Variants in NELL2 observed in about 807,000 individuals in gnomAD.
The protein encoded by NELL2 is protein kinase C-binding protein NELL2.
In NELL2, 41 loss-of-function variants were observed where a neutral mutation model predicts 109.6. That is an observed-to-expected ratio of 0.37 (90% confidence interval 0.29 to 0.49). The LOEUF is 0.49. Ranked by LOEUF, NELL2 falls within the 20% of genes least tolerant of loss-of-function variation. The probability of loss-of-function intolerance (pLI) is 0.98; values close to 1 mark genes in which losing one functional copy is unlikely to be tolerated. For missense variants in NELL2, 900 were observed against 1,008.3 expected (o/e 0.89, Z 1.45); for synonymous variants, 355 against 344.7 (o/e 1.03, Z -0.33).
rs770341215 is a variant in NELL2 at position 44,776,091 on chromosome 12, G to A, written c.822C>T (p.Cys274=). 82 of 1,613,920 alleles carry A rather than the reference G, an allele frequency of 5.1e-5. 1 individual carries two copies. In the South Asian group the frequency reaches 8.0e-4, roughly 16 times the overall value. ...RLDQCYCERT[C]TMKGTTYREF... ...CTCGGTAGGTGGTTCCCTTCATGGT[G>A]CAAGTCCTTTCACAATAGCACTGAT... The change falls in exon 8 of 20, where the codon TGC becomes TGT. Residue 274 remains cysteine, a synonymous_variant. Transcript: ENST00000429094.
chr12:44,618,895 C>G (rs976720413), intron 13 of NELL2, among the ~76,000 whole-genome samples: 3 of 152,070 alleles, frequency 2.0e-5, no homozygotes, highest in African/African-American at 7.2e-5. Flanking sequence ...AAGGCCTGTT[C>G]GGGTAGGTAT....
At chr12:44,538,752 T>C (rs1220357487) in intron 15 of NELL2, among the ~76,000 whole-genome samples, 1 of 152,194 alleles carries the variant, frequency 6.6e-6, no homozygotes, top group Non-Finnish European at 1.5e-5. Context: ...TAAATGCTTA[T>C]CTTTGGTCAA....
intron 2 of NELL2, among the ~76,000 whole-genome samples, chr12:44,849,963 G>C (rs543671477): frequency 6.6e-6 from 1 of 152,144 alleles, no homozygotes; most frequent in Non-Finnish European, 1.5e-5. Context: ...AAAACAGAGA[G>C]TAATTGTGTG....
intron 1 of NELL2, among the ~76,000 whole-genome samples, chr12:44,888,885 A>G (rs1178751808): frequency 1.6e-4 from 25 of 151,982 alleles, no homozygotes; most frequent in Admixed American, 1.6e-3. Flanking sequence ...TGCTTCAAAC[A>G]CAGTTCTAAA....
chr12:44,578,687 T>C (rs1297401468), intron 15 of NELL2, among the ~76,000 whole-genome samples: 1 of 151,834 alleles, frequency 6.6e-6, no homozygotes, highest in African/African-American at 2.4e-5. Flanking sequence ...TGCCAGGGAC[T>C]GGGCAAGAGA....
At chr12:44,619,671 T>A (rs916418988) in intron 13 of NELL2, among the ~76,000 whole-genome samples, 1 of 151,680 alleles carries the variant, frequency 6.6e-6, no homozygotes, top group African/African-American at 2.4e-5. Flanking sequence ...GGAGGAGGGA[T>A]GTTGACAACA....
chr12:44,821,724 ATT>A (rs979387516), intron 2 of NELL2, among the ~76,000 whole-genome samples: 1 of 145,624 alleles, frequency 6.9e-6, no homozygotes, highest in Admixed American at 6.9e-5. Flanking sequence ...TTCAGAATTA[ATT>A]TTTTTTTTTT....
intron 12 of NELL2, among the ~76,000 whole-genome samples, chr12:44,671,668 A>G (rs1592306581): frequency 6.6e-6 from 1 of 152,348 alleles, no homozygotes. Flanking sequence ...AACTTAGAGG[A>G]AATGGATAAA....
intron 9 of NELL2, among the ~76,000 whole-genome samples, chr12:44,726,848 T>C (rs564534530): frequency 1.4e-4 from 21 of 152,264 alleles, no homozygotes; most frequent in African/African-American, 4.6e-4. Flanking sequence ...TAGTATGTAT[T>C]TATAGCAGTT....
intron 15 of NELL2, among the ~76,000 whole-genome samples, chr12:44,559,274 T>C (rs1025537435): frequency 2.0e-5 from 3 of 152,186 alleles, no homozygotes; most frequent in Admixed American, 6.5e-5. Flanking sequence ...CATCAACTAA[T>C]GGGCAAAATA....
chr12:44,815,675 A>G (rs757293051), intron 3 of NELL2, among the ~76,000 whole-genome samples: 6 of 152,114 alleles, frequency 3.9e-5, no homozygotes, highest in Non-Finnish European at 8.8e-5. Context: ...CTGGAGTGTA[A>G]TGGCATGATC....
intron 2 of NELL2, among the ~76,000 whole-genome samples, chr12:44,832,246 G>T (rs955686204): frequency 2.0e-5 from 3 of 152,104 alleles, no homozygotes; most frequent in African/African-American, 7.2e-5. Flanking sequence ...ATTTCCCAAA[G>T]ATAAAAAGAA....
chr12:44,797,536 T>C (rs1008819051), intron 3 of NELL2, among the ~76,000 whole-genome samples: 10 of 152,022 alleles, frequency 6.6e-5, no homozygotes, highest in African/African-American at 1.9e-4. Context: ...TTATGGCTAG[T>C]TGCAAAAGAC....
chr12:44,855,430 T>A (rs1005816647), intron 2 of NELL2, among the ~76,000 whole-genome samples: 1 of 152,262 alleles, frequency 6.6e-6, no homozygotes, highest in African/African-American at 2.4e-5. Flanking sequence ...AGTCTTTCTA[T>A]ACATGACTGT....
At chr12:44,867,866 TC>T (rs1163882356) in intron 2 of NELL2, among the ~76,000 whole-genome samples, 11 of 152,212 alleles carry the variant, frequency 7.2e-5, no homozygotes, top group African/African-American at 2.6e-4. Context: ...ACACCTGTAA[TC>T]CCAGCACTTT....
intron 12 of NELL2, among the ~76,000 whole-genome samples, chr12:44,681,360 G>T (rs1040852306): frequency 2.3e-5 from 3 of 129,412 alleles, no homozygotes; most frequent in African/African-American, 5.3e-5. Context: ...AAGCTTTTTT[G>T]TTGTTGTTGT....
chr12:44,655,447 A>T (rs1183066428), intron 13 of NELL2, among the ~76,000 whole-genome samples: 1 of 152,192 alleles, frequency 6.6e-6, no homozygotes, highest in Non-Finnish European at 1.5e-5. Flanking sequence ...TTCATCTTTA[A>T]AAAAGGCAAT....
chr12:44,921,051 T>G (rs1945864663), intron 1 of NELL2, among the ~76,000 whole-genome samples: 1 of 152,174 alleles, frequency 6.6e-6, no homozygotes, highest in Non-Finnish European at 1.5e-5. Context: ...CACACTTTTA[T>G]AGTTAGCTGG....
chr12:44,667,764 A>G (rs1423967595), intron 12 of NELL2, among the ~76,000 whole-genome samples: 1 of 152,196 alleles, frequency 6.6e-6, no homozygotes, highest in Non-Finnish European at 1.5e-5. Context: ...CAGTTGGCCC[A>G]GGCAAGATCA....
Sources: allele counts gnomAD v4.1 joint callset (sites outside exome capture counted in the v4.1 genomes callset), GRCh38; gene constraint gnomAD v4.1.1; transcripts MANE v1.5; gene names NCBI Gene and HGNC (gene_info 2026-07-23, HGNC 2026-07-21).